The following GUCY1A2 variants were observed in gnomAD, a reference collection of about 807,000 sequenced individuals.
GUCY1A2 encodes guanylate cyclase 1 soluble subunit alpha 2.
In GUCY1A2, 27 loss-of-function variants were observed where a neutral mutation model predicts 63.5. The ratio of observed to expected loss-of-function variants is 0.43; its 90% CI spans 0.31 to 0.59. The LOEUF (loss-of-function observed/expected upper bound fraction) is 0.59. GUCY1A2 is among the 20% of genes least tolerant of loss of function. GUCY1A2 has a pLI of 0.11. For missense variants in GUCY1A2, 768 were observed against 913.3 expected (o/e 0.84, Z 2.05); for synonymous variants, 364 against 343.5 (o/e 1.06, Z -0.66).
intron 6 of GUCY1A2, among the ~76,000 whole-genome samples, chr11:106,709,639 TATA>T (rs1433290417): frequency 2.1e-5 from 2 of 94,668 alleles, no homozygotes; most frequent in African/African-American, 1.1e-4. Flanking sequence ...TATATACACG[TATA>T]GAATATATAG....
chr11:106,765,083 A>AC (rs1337717998), intron 6 of GUCY1A2, among the ~76,000 whole-genome samples: 1 of 151,574 alleles, frequency 6.6e-6, no homozygotes, highest in Non-Finnish European at 1.5e-5. Flanking sequence ...CATATTTTTA[A>AC]CCCCAATGTC....
chr11:106,843,582 A>G (rs1189567231), intron 4 of GUCY1A2, among the ~76,000 whole-genome samples: 2 of 151,872 alleles, frequency 1.3e-5, no homozygotes, highest in Non-Finnish European at 2.9e-5. Context: ...GAATAATTTA[A>G]AAGTGGAGGA....
intron 3 of GUCY1A2, among the ~76,000 whole-genome samples, chr11:106,974,473 CA>C (rs1427284164): frequency 6.6e-6 from 1 of 151,690 alleles, no homozygotes; most frequent in African/African-American, 2.4e-5. Context: ...CACAGTGAAA[CA>C]AAAAAGTATA....
chr11:106,709,731 A>ATAGT (rs375119394), intron 6 of GUCY1A2, among the ~76,000 whole-genome samples: 79 of 61,374 alleles, frequency 1.3e-3, no homozygotes, highest in South Asian at 1.9e-3. Context: ...TATAGAATAT[A>ATAGT]TAGTTATATA....
At chr11:106,702,533 G>A (rs1425844345) in intron 7 of GUCY1A2, among the ~76,000 whole-genome samples, 1 of 152,070 alleles carries the variant, frequency 6.6e-6, no homozygotes, top group Non-Finnish European at 1.5e-5. Flanking sequence ...GTCTTCTCAA[G>A]CCAAGGGCTC....
intron 1 of GUCY1A2, among the ~76,000 whole-genome samples, chr11:107,010,833 C>T (rs1435372935): frequency 1.3e-5 from 2 of 152,178 alleles, no homozygotes; most frequent in East Asian, 3.9e-4. Context: ...CACTTTCAGG[C>T]TATTCTCCTG....
At chr11:107,003,356 T>A (rs1010068338) in intron 1 of GUCY1A2, among the ~76,000 whole-genome samples, 1 of 152,202 alleles carries the variant, frequency 6.6e-6, no homozygotes, top group Non-Finnish European at 1.5e-5. Context: ...TGCTCCCAGC[T>A]GCTCCCAGTC....
chr11:106,926,336 G>C (rs1339912160), intron 4 of GUCY1A2, among the ~76,000 whole-genome samples: 3 of 151,742 alleles, frequency 2.0e-5, no homozygotes, highest in Non-Finnish European at 2.9e-5. Flanking sequence ...TACCCGGGAG[G>C]CTGAGGCACG....
chr11:106,926,839 A>T (rs1018312241), intron 4 of GUCY1A2, among the ~76,000 whole-genome samples: 2 of 151,710 alleles, frequency 1.3e-5, no homozygotes, highest in African/African-American at 2.4e-5. Context: ...AGGAAAATCA[A>T]ACACAGTTTT....
chr11:106,997,666 C>T (rs893463635), intron 1 of GUCY1A2, among the ~76,000 whole-genome samples: 2 of 125,416 alleles, frequency 1.6e-5, no homozygotes, highest in East Asian at 2.9e-4. Flanking sequence ...TAGACCTCTT[C>T]GTGGCTATGC....
chr11:107,015,561 C>CAAAAAAAAAAAAAA (rs568139219), intron 1 of GUCY1A2, among the ~76,000 whole-genome samples: 1 of 27,480 alleles, frequency 3.6e-5, no homozygotes, highest in African/African-American at 1.1e-4. Context: ...TTCTCTTAGG[C>CAAAAAAAAAAAAAA]AAAAAAAAAA....
rs1329991757 is a variant in GUCY1A2 at position 106,709,528 on chromosome 11, A to T, written c.1837-862T>A. Among the ~76,000 whole-genome samples, 250 of 80,702 alleles carry T rather than the reference A, an allele frequency of 3.1e-3. 27 individuals carry two copies. The highest frequency in any genetic ancestry group is 4.1e-3 in the Non-Finnish European group (200 of 48,746). The allele number at this position is 80,702 out of a possible 152,430, so 52.9% of individuals were successfully genotyped here. ...TATATATTATTCTATAAATATAATA[A>T]TAATATAATATATTATATTATTATA... On this transcript the variant is annotated intron_variant, in intron 6 of 7. Transcript: ENST00000526355.
chr11:106,989,294 A>C (rs1344355920), intron 1 of GUCY1A2, among the ~76,000 whole-genome samples: 2 of 152,208 alleles, frequency 1.3e-5, no homozygotes, highest in Non-Finnish European at 2.9e-5. Flanking sequence ...CACTAGCTAG[A>C]TGACCTTGGG....
intron 2 of GUCY1A2, among the ~76,000 whole-genome samples, chr11:106,978,990 A>G (rs541625346): frequency 6.6e-6 from 1 of 152,354 alleles, no homozygotes; most frequent in South Asian, 2.1e-4. Context: ...AACAAAAAAT[A>G]TATCAGCTTT....
chr11:107,000,746 C>T (rs2120181020), intron 1 of GUCY1A2, among the ~76,000 whole-genome samples: 1 of 152,226 alleles, frequency 6.6e-6, no homozygotes, highest in East Asian at 1.9e-4. Flanking sequence ...ATGATAAAAA[C>T]ACAATTTGTA....
At chr11:106,724,039 C>A (rs527583106) in intron 6 of GUCY1A2, among the ~76,000 whole-genome samples, 2 of 152,292 alleles carry the variant, frequency 1.3e-5, no homozygotes, top group East Asian at 3.9e-4. Context: ...TTTACTTTTT[C>A]TACCAAGTTA....
At chr11:106,688,199 T>A (rs1303772688) in intron 7 of GUCY1A2, among the ~76,000 whole-genome samples, 2 of 152,204 alleles carry the variant, frequency 1.3e-5, no homozygotes, top group Non-Finnish European at 2.9e-5. Context: ...AAGCTTTAAA[T>A]GTGTGTCCTG....
intron 6 of GUCY1A2, among the ~76,000 whole-genome samples, chr11:106,754,018 T>A (rs1318884224): frequency 2.0e-5 from 3 of 152,208 alleles, no homozygotes; most frequent in African/African-American, 7.2e-5. Flanking sequence ...GTTTGTGTCC[T>A]CTTTTATTTC....
At chr11:106,873,217 C>G (rs762877119) in intron 4 of GUCY1A2, among the ~76,000 whole-genome samples, 2 of 152,106 alleles carry the variant, frequency 1.3e-5, no homozygotes, top group African/African-American at 4.8e-5. Context: ...ATAAATAGTG[C>G]TGCAATAAAC....
Sources: gnomAD v4.1 joint callset for allele counts (sites outside exome capture counted in the v4.1 genomes callset) on GRCh38, gnomAD v4.1.1 for gene constraint, MANE v1.5 for transcripts, NCBI Gene and HGNC (gene_info 2026-07-23, HGNC 2026-07-21) for gene names.